Variants in FAR2 observed in about 807,000 individuals in gnomAD.
The protein encoded by FAR2 is fatty acyl-CoA reductase 2.
A neutral mutation model predicts 56.0 loss-of-function variants in FAR2; 19 were observed. That is an observed-to-expected ratio of 0.34 (90% CI 0.24 to 0.50). The LOEUF (loss-of-function observed/expected upper bound fraction) is 0.50, where lower values mean the gene tolerates loss of function less well. FAR2 is among the 20% of genes least tolerant of loss of function. The pLI is 0.98. For synonymous variants in FAR2, 219 were observed against 218.8 expected, an observed-to-expected ratio of 1.00 and a Z score of -0.01; for missense variants, 508 against 642.2, an observed-to-expected ratio of 0.79 and a Z score of 2.26.
chr12:29,181,641 C>T (rs780582998), intron 1 of FAR2, among the ~76,000 whole-genome samples: 51 of 152,200 alleles, frequency 3.4e-4, no homozygotes, highest in Non-Finnish European at 7.2e-4. Flanking sequence ...TCCTCTTTCC[C>T]TACTGCTGTA....
At chr12:29,220,432 C>T (rs528065662) in intron 1 of FAR2, among the ~76,000 whole-genome samples, 13 of 152,238 alleles carry the variant, frequency 8.5e-5, no homozygotes, top group Middle Eastern at 3.4e-3. Context: ...AATTTGTGCT[C>T]TTAAATGACT....
intron 1 of FAR2, among the ~76,000 whole-genome samples, chr12:29,216,045 C>A (rs1226755189): frequency 1.3e-5 from 2 of 152,300 alleles, no homozygotes; most frequent in East Asian, 3.9e-4. Flanking sequence ...ACTTATATCC[C>A]TAACTGAATC....
In FAR2 at chr12:29,225,443, A is replaced by G. The variant is rs146738429; in HGVS notation, c.-38-44969A>G. On this transcript the variant is annotated intron_variant, in intron 1 of 11. Transcript: ENST00000536681. ...ACAAAAAGTGTTAGCTATTGTTGTT[A>G]CTATTACTATATTATTATTGTTGTT... is the stretch of plus-strand genomic sequence containing the variant. Among the ~76,000 whole-genome samples, 537 of 152,264 alleles carry G rather than the reference A, an allele frequency of 3.5e-3. 5 individuals are homozygous for G. The highest frequency in any genetic ancestry group is 0.013 in the African/African-American group (523 of 41,546).
intron 1 of FAR2, among the ~76,000 whole-genome samples, chr12:29,232,850 G>A (rs1947881346): frequency 7.8e-6 from 1 of 128,812 alleles, no homozygotes; most frequent in South Asian, 2.5e-4. Context: ...CACACACAGA[G>A]TGCCCTTCCC....
chr12:29,302,921 C>G (rs2136772684), intron 4 of FAR2, among the ~76,000 whole-genome samples: 1 of 152,286 alleles, frequency 6.6e-6, no homozygotes, highest in East Asian at 1.9e-4. Context: ...ATGGCTACTG[C>G]TTTGCATATG....
chr12:29,259,170 A>G (rs1321916996), intron 1 of FAR2, among the ~76,000 whole-genome samples: 1 of 152,204 alleles, frequency 6.6e-6, no homozygotes, highest in Non-Finnish European at 1.5e-5. Context: ...AATTTTTCCC[A>G]CTGGATCACC....
intron 1 of FAR2, among the ~76,000 whole-genome samples, chr12:29,253,823 G>A (rs946357575): frequency 6.6e-6 from 1 of 152,162 alleles, no homozygotes; most frequent in Non-Finnish European, 1.5e-5. Flanking sequence ...TAGCAAGGAT[G>A]TTTAGACATT....
At chr12:29,269,881 C>A (rs1948585001) in intron 1 of FAR2, among the ~76,000 whole-genome samples, 1 of 152,190 alleles carries the variant, frequency 6.6e-6, no homozygotes, top group South Asian at 2.1e-4. Flanking sequence ...CTGGGCCAGT[C>A]CTAACCTTCT....
At chr12:29,268,459 G>A (rs1948556379) in intron 1 of FAR2, among the ~76,000 whole-genome samples, 2 of 152,220 alleles carry the variant, frequency 1.3e-5, no homozygotes, top group South Asian at 4.1e-4. Context: ...CCTGCTACCA[G>A]ATTCATTTTT....
At chr12:29,309,603 T>A (rs554323712) in intron 6 of FAR2, among the ~76,000 whole-genome samples, 16 of 152,332 alleles carry the variant, frequency 1.1e-4, no homozygotes, top group African/African-American at 3.8e-4. Flanking sequence ...TCAAAGATTA[T>A]TAAATTCTTG....
intron 1 of FAR2, among the ~76,000 whole-genome samples, chr12:29,223,451 G>A (rs984587651): frequency 2.0e-5 from 3 of 152,234 alleles, no homozygotes; most frequent in East Asian, 3.9e-4. Context: ...TATTTAGCAG[G>A]TCATCAATAA....
chr12:29,168,100 C>T (rs916559289), intron 1 of FAR2, among the ~76,000 whole-genome samples: 24 of 152,142 alleles, frequency 1.6e-4, no homozygotes, highest in African/African-American at 4.8e-4. Context: ...ATCTTGATAA[C>T]GTGTCAGTCA....
chr12:29,166,190 A>G (rs148464442), intron 1 of FAR2, among the ~76,000 whole-genome samples: 8 of 152,384 alleles, frequency 5.2e-5, no homozygotes, highest in Admixed American at 5.2e-4. Flanking sequence ...AAATTATAAG[A>G]GTTGCTGATA....
chr12:29,257,618 G>A (rs528729889), intron 1 of FAR2, among the ~76,000 whole-genome samples: 1 of 152,066 alleles, frequency 6.6e-6, no homozygotes, highest in East Asian at 1.9e-4. Context: ...CTTCACTCCT[G>A]AAGCCAGCGA....
chr12:29,319,093 C>A (rs926150303), intron 9 of FAR2, among the ~76,000 whole-genome samples: 5 of 151,634 alleles, frequency 3.3e-5, no homozygotes, highest in Non-Finnish European at 7.4e-5. Context: ...TGGGTTCAAG[C>A]GATTCTCCTG....
chr12:29,173,903 A>T (rs1288317209), intron 1 of FAR2, among the ~76,000 whole-genome samples: 1 of 152,074 alleles, frequency 6.6e-6, no homozygotes, highest in Non-Finnish European at 1.5e-5. Context: ...CCTTACTAAC[A>T]CATTCTCAAA....
Position 29,245,850 on chromosome 12 carries a change from C to T in FAR2, c.-38-24562C>T, listed in dbSNP as rs1281273288. ...CATCGGACTTTCTCATCTCCCCTTGCTTTCCCAACATCACTACCCCAAATA... is the reference window on the plus strand; with the variant it reads ...CATCGGACTTTCTCATCTCCCCTTGTTTTCCCAACATCACTACCCCAAATA... On this transcript the variant is annotated intron_variant, in intron 1 of 11. Transcript: ENST00000536681. Among the ~76,000 whole-genome samples the T allele has an allele frequency of 2.6e-5, 4 of 152,126 alleles. No individual in the cohort carries two copies. The East Asian group carries it at 7.7e-4, about 29-fold the overall frequency.
At position 29,307,980 on chromosome 12, in the gene FAR2, A is replaced by G. The variant is rs1007579146; in HGVS notation, c.723+145A>G. The G allele has an allele frequency of 6.4e-5, 52 of 812,474 alleles. No homozygotes were observed. In the African/African-American group the frequency reaches 7.4e-4, roughly 12 times the overall value. The allele number at this position is 812,474 out of a possible 1,614,324, so 50.3% of individuals were successfully genotyped here. A position where few individuals can be genotyped will look rare whatever the true frequency, so the allele number is the denominator to read the frequency against. ...GAATATGAACCCATTATACTAGGGCAAAATTCCACTTTGGGTTCAGGATTT... is the reference window on the plus strand; with the variant it reads ...GAATATGAACCCATTATACTAGGGCGAAATTCCACTTTGGGTTCAGGATTT... On this transcript the variant is annotated intron_variant, in intron 5 of 11. Coordinates refer to ENST00000536681, the MANE Select transcript of FAR2 (RefSeq NM_001271783.2).
chr12:29,188,419 T>C (rs1012802171), intron 1 of FAR2, among the ~76,000 whole-genome samples: 3 of 152,184 alleles, frequency 2.0e-5, no homozygotes, highest in African/African-American at 7.2e-5. Flanking sequence ...AAGCAGCCTT[T>C]TTTTAAAAGT....
Sources: allele counts gnomAD v4.1 joint callset (sites outside exome capture counted in the v4.1 genomes callset), GRCh38; gene constraint gnomAD v4.1.1; transcripts MANE v1.5; gene names NCBI Gene and HGNC (gene_info 2026-07-23, HGNC 2026-07-21).